Variants in MACROD2 observed in about 807,000 individuals in gnomAD.
The protein encoded by MACROD2 is mono-ADP ribosylhydrolase 2, also known as ADP-ribose glycohydrolase MACROD2.
A neutral mutation model predicts 70.4 loss-of-function variants in MACROD2; 36 were observed. The ratio of observed to expected loss-of-function variants is 0.51; its 90% confidence interval spans 0.39 to 0.68. The LOEUF (loss-of-function observed/expected upper bound fraction) is 0.68. Ranked by LOEUF, MACROD2 falls within the 30% of genes least tolerant of loss-of-function variation. The probability of loss-of-function intolerance (pLI) is 0.00; values close to 1 mark genes in which losing one functional copy is unlikely to be tolerated. For missense variants in MACROD2, 496 were observed against 538.4 expected (o/e 0.92, Z 0.78); for synonymous variants, 172 against 178.8 (o/e 0.96, Z 0.30).
At chr20:14,271,810 G>C (rs933554755) in intron 3 of MACROD2, among the ~76,000 whole-genome samples, 1 of 152,308 alleles carries the variant, frequency 6.6e-6, no homozygotes, top group South Asian at 2.1e-4. Flanking sequence ...GGAGCTGATG[G>C]AGCTGAAAAC....
rs11472322 is a variant in MACROD2, at chr20:15,782,717, C to CAAAAAAAAAAA, written c.646-80016_646-80006dup. ...GAGACATATGCAGATAGAGAAATGGCAAAAAAAAAAAAAAAAAAAAAAGTT... is the reference window on the plus strand; with the variant it reads ...GAGACATATGCAGATAGAGAAATGGCAAAAAAAAAAAAAAAAAAAAAAAAAAAAAAAAAGTT... On this transcript the variant is annotated intron_variant, in intron 8 of 17. Transcript: ENST00000684519. Among the ~76,000 whole-genome samples the CAAAAAAAAAAA allele has an allele frequency of 1.6e-3, 131 of 83,346 alleles. 9 individuals carry two copies. Among genetic ancestry groups the CAAAAAAAAAAA allele is most frequent in the Admixed American group, 1.5e-3 (11 of 7,132 alleles). The allele number at this position is 83,346 out of a possible 152,430, so 54.7% of individuals were successfully genotyped here. A position where few individuals can be genotyped will look rare whatever the true frequency, so the allele number is the denominator to read the frequency against.
chr20:14,230,292 G>A (rs945363862), intron 3 of MACROD2, among the ~76,000 whole-genome samples: 4 of 152,064 alleles, frequency 2.6e-5, no homozygotes, highest in Admixed American at 2.0e-4. Flanking sequence ...TCAAAATTGG[G>A]TTCAGTCCTC....
intron 4 of MACROD2, among the ~76,000 whole-genome samples, chr20:14,519,673 TA>T (rs1418056794): frequency 2.0e-5 from 3 of 152,094 alleles, no homozygotes; most frequent in African/African-American, 7.2e-5. Context: ...CTCAAAGAGC[TA>T]AAAACAGAAT....
intron 8 of MACROD2, among the ~76,000 whole-genome samples, chr20:15,809,874 T>TTA (rs1555782135): frequency 6.6e-6 from 1 of 151,664 alleles, no homozygotes; most frequent in East Asian, 1.9e-4. Flanking sequence ...TTTTTTTTTT[T>TTA]TTATTATACT....
chr20:16,029,429 T>C (rs2067123040), intron 15 of MACROD2, among the ~76,000 whole-genome samples: 1 of 152,184 alleles, frequency 6.6e-6, no homozygotes, highest in Non-Finnish European at 1.5e-5. Flanking sequence ...GAAGGTGGTG[T>C]GTAGTCACAT....
intron 7 of MACROD2, among the ~76,000 whole-genome samples, chr20:15,494,042 G>A (rs1350237710): frequency 2.0e-5 from 3 of 152,214 alleles, no homozygotes; most frequent in Non-Finnish European, 2.9e-5. Context: ...CTGCTTTGCA[G>A]CGAGAAGACA....
intron 9 of MACROD2, among the ~76,000 whole-genome samples, chr20:15,867,925 T>C (rs907740464): frequency 2.6e-5 from 4 of 152,172 alleles, no homozygotes; most frequent in African/African-American, 9.7e-5. Context: ...CCTGGGGACA[T>C]TCTGAGGCAT....
At chr20:14,685,345 T>C (rs924219730) in intron 5 of MACROD2, among the ~76,000 whole-genome samples, 2 of 152,090 alleles carry the variant, frequency 1.3e-5, no homozygotes, top group Non-Finnish European at 2.9e-5. Flanking sequence ...TTCTTGATTG[T>C]GGATGTGTTT....
intron 3 of MACROD2, chr20:14,325,893 G>A: frequency 6.2e-7 from 1 of 1,613,884 alleles, no homozygotes; most frequent in Non-Finnish European, 8.5e-7. Flanking sequence ...TGGTAACCAG[G>A]GCCACAGCCC....
At chr20:14,364,321 G>C (rs2083252388) in intron 3 of MACROD2, among the ~76,000 whole-genome samples, 1 of 152,184 alleles carries the variant, frequency 6.6e-6, no homozygotes, top group Non-Finnish European at 1.5e-5. Context: ...GTAGAAATAT[G>C]TAACCTCATT....
chr20:14,954,024 T>C (rs1171322812), intron 5 of MACROD2, among the ~76,000 whole-genome samples: 1 of 152,142 alleles, frequency 6.6e-6, no homozygotes, highest in East Asian at 1.9e-4. Context: ...TCTTAGGAGA[T>C]ATGCAAATGC....
rs1402967466 is a variant in MACROD2 at position 15,196,767 on chromosome 20, CA to C, written c.419-33172del. ...AGAAGGTACAATATGTACTTGAAAT[CA>C]GGAAGTACCCACTTCAGCCACCCCA... is the stretch of plus-strand genomic sequence containing the variant. On this transcript the variant is annotated intron_variant, in intron 5 of 17. Coordinates refer to ENST00000684519, the MANE Select transcript of MACROD2 (RefSeq NM_001351661.2). 3.4e-5 allele frequency: 18 copies of C among 534,062 alleles called. No individual in the cohort carries two copies. The Admixed American group carries it at 7.6e-4, about 23-fold the overall frequency. The allele number at this position is 534,062 out of a possible 1,614,324, so 33.1% of individuals were successfully genotyped here.
At chr20:14,920,057 A>ACAGCC (rs1452674705) in intron 5 of MACROD2, among the ~76,000 whole-genome samples, 14 of 152,088 alleles carry the variant, frequency 9.2e-5, no homozygotes, top group African/African-American at 3.4e-4. Context: ...TGCATCTCAA[A>ACAGCC]CAGCCGGCAG....
intron 4 of MACROD2, among the ~76,000 whole-genome samples, chr20:14,645,603 C>T (rs1003904694): frequency 1.3e-5 from 2 of 152,118 alleles, no homozygotes; most frequent in South Asian, 4.1e-4. Context: ...AATTATTTAG[C>T]TATCATACTT....
At chr20:15,274,953 G>A (rs2077377446) in intron 6 of MACROD2, among the ~76,000 whole-genome samples, 1 of 152,118 alleles carries the variant, frequency 6.6e-6, no homozygotes, top group African/African-American at 2.4e-5. Flanking sequence ...GAGTGGGGTG[G>A]CGAGGCGTGA....
At chr20:15,035,670 A>G (rs2075307279) in intron 5 of MACROD2, among the ~76,000 whole-genome samples, 1 of 152,140 alleles carries the variant, frequency 6.6e-6, no homozygotes, top group Admixed American at 6.6e-5. Context: ...TTATTACATC[A>G]TGGAGGCTGC....
intron 3 of MACROD2, chr20:14,325,699 G>T (rs1458677486): frequency 6.2e-7 from 1 of 1,613,854 alleles, no homozygotes. Context: ...CTTCGAGATG[G>T]GTTCATTGCT....
chr20:15,794,081 G>C (rs1484577831), intron 8 of MACROD2, among the ~76,000 whole-genome samples: 1 of 151,712 alleles, frequency 6.6e-6, no homozygotes, highest in Middle Eastern at 3.2e-3. Context: ...AAATCCTTAA[G>C]GAAGACTCCT....
chr20:15,922,329 A>G (rs111546334), intron 10 of MACROD2, among the ~76,000 whole-genome samples: 2 of 152,230 alleles, frequency 1.3e-5, no homozygotes, highest in African/African-American at 4.8e-5. Flanking sequence ...AAAAAAGGTG[A>G]TATTAATTTT....
Sources: allele counts gnomAD v4.1 joint callset (sites outside exome capture counted in the v4.1 genomes callset), GRCh38; gene constraint gnomAD v4.1.1; transcripts MANE v1.5; gene names NCBI Gene and HGNC (gene_info 2026-07-23, HGNC 2026-07-21).